SUPT3H: variants seen among roughly 807,000 people sequenced by gnomAD.
SUPT3H encodes the protein transcription initiation protein SPT3 homolog.
Under a neutral mutation model 44.3 loss-of-function variants are expected in SUPT3H, and 44 were observed. The ratio of observed to expected loss-of-function variants is 0.99; its 90% CI spans 0.78 to 1.28. SUPT3H has a LOEUF of 1.28. SUPT3H is among the 50% of genes most tolerant of loss of function. The pLI is 0.00. For missense variants in SUPT3H, 380 were observed against 387.1 expected, an observed-to-expected ratio of 0.98 and a Z score of 0.15; for synonymous variants, 124 against 125.6, an observed-to-expected ratio of 0.99 and a Z score of 0.09.
intron 2 of SUPT3H, among the ~76,000 whole-genome samples, chr6:45,182,484 T>A (rs1797161): frequency 0.62 from 93,829 of 152,000 alleles, 29,563 homozygotes; most frequent in African/African-American, 0.75. Flanking sequence ...CTGATCACAA[T>A]CTTCTGACCT....
chr6:45,229,521 CTATATA>C (rs568453879), intron 2 of SUPT3H, among the ~76,000 whole-genome samples: 2 of 151,736 alleles, frequency 1.3e-5, no homozygotes, highest in Non-Finnish European at 2.9e-5. Flanking sequence ...AGATGGTGTT[CTATATA>C]TATATAATCT....
Position 44,961,713 on chromosome 6 carries a change from T to C in SUPT3H, c.580+40A>G, listed in dbSNP as rs369355874. 4.8e-6 allele frequency: 7 copies of C among 1,458,342 alleles called. No individual in the cohort carries two copies. The African/African-American group carries it at 9.9e-5, about 21-fold the overall frequency. The allele number at this position is 1,458,342 out of a possible 1,614,324, so 90.3% of individuals were successfully genotyped here. A position where few individuals can be genotyped will look rare whatever the true frequency, so the allele number is the denominator to read the frequency against. The stretch of plus-strand genomic sequence containing the variant: ...CTTTAGTACATCTATAACACAAATC[T>C]CTTATGCATATAATTAAGCAAAGTT... On this transcript the variant is annotated intron_variant, in intron 7 of 10. Coordinates refer to ENST00000371459, the MANE Select transcript of SUPT3H (RefSeq NM_003599.4).
intron 2 of SUPT3H, among the ~76,000 whole-genome samples, chr6:45,284,753 C>A (rs1266129268): frequency 1.3e-5 from 2 of 152,146 alleles, no homozygotes; most frequent in African/African-American, 4.8e-5. Context: ...ATGAGGCCAG[C>A]ATCATCCTGA....
chr6:45,316,360 AT>A (rs1784701729), intron 2 of SUPT3H, among the ~76,000 whole-genome samples: 1 of 152,082 alleles, frequency 6.6e-6, no homozygotes, highest in African/African-American at 2.4e-5. Context: ...ATAAAAATGA[AT>A]CAGGGGGATG....
intron 2 of SUPT3H, among the ~76,000 whole-genome samples, chr6:45,271,040 G>C (rs932280456): frequency 6.6e-6 from 1 of 152,206 alleles, no homozygotes; most frequent in African/African-American, 2.4e-5. Context: ...TCTGACAGAA[G>C]ATATTTCTAA....
chr6:44,830,365 ATAG>A (rs1356156211), intron 10 of SUPT3H, among the ~76,000 whole-genome samples: 1 of 152,174 alleles, frequency 6.6e-6, no homozygotes, highest in African/African-American at 2.4e-5. Flanking sequence ...GGAGTTCTGT[ATAG>A]TTCTGCATAT....
At chr6:44,918,048 A>G (rs1165578488) in intron 10 of SUPT3H, among the ~76,000 whole-genome samples, 1 of 152,142 alleles carries the variant, frequency 6.6e-6, no homozygotes, top group Non-Finnish European at 1.5e-5. Flanking sequence ...TAAATGACCA[A>G]TGTATCTCTA....
chr6:44,837,025 A>C (rs192183437), intron 10 of SUPT3H, among the ~76,000 whole-genome samples: 1 of 152,348 alleles, frequency 6.6e-6, no homozygotes, highest in East Asian at 1.9e-4. Flanking sequence ...GTTACCAAAA[A>C]TTAGAATCAA....
chr6:45,305,167 A>G (rs1353907988), intron 2 of SUPT3H, among the ~76,000 whole-genome samples: 1 of 152,216 alleles, frequency 6.6e-6, no homozygotes, highest in Non-Finnish European at 1.5e-5. Flanking sequence ...TCCCTGAACT[A>G]CCTCAAACGA....
intron 10 of SUPT3H, among the ~76,000 whole-genome samples, chr6:44,851,813 T>G (rs531237449): frequency 2.6e-5 from 4 of 152,192 alleles, no homozygotes; most frequent in African/African-American, 9.6e-5. Context: ...GTGATTTCTA[T>G]AAAAAGCTGC....
intron 2 of SUPT3H, among the ~76,000 whole-genome samples, chr6:45,338,779 T>C (rs1385476328): frequency 6.6e-6 from 1 of 152,126 alleles, no homozygotes; most frequent in African/African-American, 2.4e-5. Flanking sequence ...AAATAATTTA[T>C]ATGCAGCCTA....
At chr6:45,208,738 CA>C (rs1763603701) in intron 2 of SUPT3H, among the ~76,000 whole-genome samples, 1 of 31,202 alleles carries the variant, frequency 3.2e-5, no homozygotes, top group East Asian at 5.8e-4. Context: ...AAAAAAAAAA[CA>C]AACAAAAAAA....
At chr6:45,325,292 A>C (rs1408373770) in intron 2 of SUPT3H, among the ~76,000 whole-genome samples, 1 of 151,836 alleles carries the variant, frequency 6.6e-6, no homozygotes, top group Non-Finnish European at 1.5e-5. Context: ...AGAAATGAGC[A>C]CAATATTGAT....
intron 10 of SUPT3H, among the ~76,000 whole-genome samples, chr6:44,922,361 T>TA (rs1768864015): frequency 6.6e-6 from 1 of 152,240 alleles, no homozygotes; most frequent in South Asian, 2.1e-4. Flanking sequence ...ATTTCCTATT[T>TA]AAAACAATCC....
chr6:45,337,149 A>G (rs2150114025), intron 2 of SUPT3H, among the ~76,000 whole-genome samples: 1 of 151,866 alleles, frequency 6.6e-6, no homozygotes, highest in Middle Eastern at 3.4e-3. Context: ...TGCCTTTTGA[A>G]CTGCCCATAT....
intron 2 of SUPT3H, chr6:45,328,560 A>C: frequency 1.9e-6 from 3 of 1,580,480 alleles, no homozygotes; most frequent in Non-Finnish European, 1.7e-6. Flanking sequence ...ACATGTTACC[A>C]GCTACATAAT....
intron 10 of SUPT3H, among the ~76,000 whole-genome samples, chr6:44,877,716 T>C (rs1777541144): frequency 6.6e-6 from 1 of 152,182 alleles, no homozygotes; most frequent in African/African-American, 2.4e-5. Context: ...TGCAAACCTC[T>C]CCTGCATCAA....
chr6:45,360,708 A>C (rs890359699), intron 2 of SUPT3H, among the ~76,000 whole-genome samples: 3 of 152,198 alleles, frequency 2.0e-5, no homozygotes, highest in Non-Finnish European at 2.9e-5. Flanking sequence ...TCAGGAGAAG[A>C]AGCAAATCTT....
chr6:44,875,162 A>G (rs199660107), intron 10 of SUPT3H, among the ~76,000 whole-genome samples: 3,057 of 8,746 alleles, frequency 0.35, 590 homozygotes, highest in Non-Finnish European at 0.45. Flanking sequence ...TTTAAAGTTC[A>G]TATGGAACCA....
Sources: gnomAD v4.1 joint callset for allele counts (sites outside exome capture counted in the v4.1 genomes callset) on GRCh38, gnomAD v4.1.1 for gene constraint, MANE v1.5 for transcripts, NCBI Gene and HGNC (gene_info 2026-07-23, HGNC 2026-07-21) for gene names.